The following RPH3A variants were observed in gnomAD, a reference collection of about 807,000 sequenced individuals.
RPH3A encodes rabphilin 3A, also known as rabphilin-3A.
RPH3A carries 48 observed loss-of-function variants against 102.2 expected under a neutral mutation model. The ratio of observed to expected loss-of-function variants is 0.47; its 90% CI spans 0.37 to 0.60. RPH3A has a LOEUF of 0.60. RPH3A is among the 20% of genes least tolerant of loss of function. The probability of loss-of-function intolerance (pLI) is 0.00; values close to 1 mark genes in which losing one functional copy is unlikely to be tolerated. For missense variants in RPH3A, 781 were observed against 910.1 expected (o/e 0.86, Z 1.83); for synonymous variants, 310 against 324.3 (o/e 0.96, Z 0.47).
chr12:112,580,394 CTTTTTTTTTTTTTT>C lies in RPH3A; in HGVS notation c.-140+5087_-140+5100del, dbSNP rs773931202. Among the ~76,000 whole-genome samples, 35 of 76,958 alleles carry C rather than the reference CTTTTTTTTTTTTTT, an allele frequency of 4.5e-4. No individual in the cohort carries two copies. In the Admixed American group the frequency reaches 5.0e-3, roughly 11 times the overall value. 50.5% of individuals were successfully genotyped at this position (76,958 alleles called of 152,430 possible). A position where few individuals can be genotyped will look rare whatever the true frequency, so the allele number is the denominator to read the frequency against. On this transcript the variant is annotated intron_variant, in intron 1 of 21. Coordinates refer to the RPH3A transcript ENST00000543106. ...GACTTAGCAGACACTTTTGTCTTGT[CTTTTTTTTTTTTTT>C]TTTTTTTTTTTCTGAGATGGAGTCT...
intron 1 of RPH3A, among the ~76,000 whole-genome samples, chr12:112,719,823 T>G (rs573473040): frequency 1.3e-5 from 2 of 152,228 alleles, no homozygotes; most frequent in Non-Finnish European, 2.9e-5. Context: ...GTCATACTGA[T>G]AGAAGCCATA....
At chr12:112,841,548 G>A (rs986961771) in intron 4 of RPH3A, among the ~76,000 whole-genome samples, 1 of 152,086 alleles carries the variant, frequency 6.6e-6, no homozygotes, top group African/African-American at 2.4e-5. Context: ...TTCAACAAGA[G>A]AGTAAATGTA....
At chr12:112,681,645 G>A (rs1566256779) in intron 1 of RPH3A, among the ~76,000 whole-genome samples, 2 of 152,148 alleles carry the variant, frequency 1.3e-5, no homozygotes, top group African/African-American at 4.8e-5. Context: ...TCATTTTAGT[G>A]AATAATGACT....
chr12:112,853,094 C>A (rs1355509959), intron 5 of RPH3A, among the ~76,000 whole-genome samples: 2 of 152,192 alleles, frequency 1.3e-5, no homozygotes, highest in African/African-American at 2.4e-5. Flanking sequence ...CATCTTGATT[C>A]CACCTTCCCC....
chr12:112,632,132 G>GCT (rs1441401194), intron 1 of RPH3A, among the ~76,000 whole-genome samples: 1 of 152,086 alleles, frequency 6.6e-6, no homozygotes, highest in Non-Finnish European at 1.5e-5. Context: ...CCCTGCACAA[G>GCT]CTCTCTCTCT....
intron 5 of RPH3A, among the ~76,000 whole-genome samples, chr12:112,865,195 T>G (rs1236373460): frequency 6.6e-6 from 1 of 152,088 alleles, no homozygotes. Flanking sequence ...GTAGAATAGA[T>G]GGGACTTTGA....
intron 1 of RPH3A, among the ~76,000 whole-genome samples, chr12:112,607,117 T>G (rs1566226374): frequency 2.0e-5 from 3 of 152,220 alleles, no homozygotes; most frequent in Admixed American, 6.5e-5. Context: ...TACTTATAGA[T>G]GCCACTTCCC....
At chr12:112,736,704 G>A (rs1333765154) in intron 1 of RPH3A, among the ~76,000 whole-genome samples, 2 of 152,186 alleles carry the variant, frequency 1.3e-5, no homozygotes, top group East Asian at 3.8e-4. Flanking sequence ...ATATATGTCA[G>A]CTACTGTTGT....
At chr12:112,830,221 T>G (rs535790561) in intron 3 of RPH3A, among the ~76,000 whole-genome samples, 6 of 152,274 alleles carry the variant, frequency 3.9e-5, no homozygotes, top group African/African-American at 1.4e-4. Context: ...CTTCAACATA[T>G]AGTATTTTCA....
Position 112,847,680 on chromosome 12 carries a change from C to G in RPH3A, c.84-16C>G. The G allele has an allele frequency of 6.2e-7, 1 of 1,612,610 alleles. No homozygotes were observed. Among genetic ancestry groups the G allele is most frequent in the Non-Finnish European group, 8.5e-7 (1 of 1,179,360 alleles). On this transcript the variant is annotated splice_polypyrimidine_tract_variant and intron_variant, in intron 4 of 21. Transcript: ENST00000389385. ...ATTTTCTGCCCACCCTCACACCTTCCCAAATTTCCTTTCAGGCTCCAGGCA... is the reference window on the plus strand; with the variant it reads ...ATTTTCTGCCCACCCTCACACCTTCGCAAATTTCCTTTCAGGCTCCAGGCA...
intron 1 of RPH3A, among the ~76,000 whole-genome samples, chr12:112,712,996 TTCCTCTTCCTCTTCCTCTTCCTCTTCC>T (rs2040482145): frequency 2.6e-5 from 2 of 77,636 alleles, no homozygotes; most frequent in Non-Finnish European, 4.9e-5. Context: ...CGTCTTTGTC[TTCCTCTTCCTCTTCCTCTTCCTCTTCC>T]TCTTCTTCTT....
intron 10 of RPH3A, among the ~76,000 whole-genome samples, chr12:112,873,290 G>T (rs959296669): frequency 6.6e-6 from 1 of 152,246 alleles, no homozygotes; most frequent in Non-Finnish European, 1.5e-5. Context: ...GCAGCAAAGA[G>T]AGGCTAAAAC....
At chr12:112,811,758 A>T (rs1672173454) in intron 2 of RPH3A, among the ~76,000 whole-genome samples, 2 of 152,214 alleles carry the variant, frequency 1.3e-5, no homozygotes, top group South Asian at 4.1e-4. Flanking sequence ...ACAAATAATG[A>T]GTATTGGCTA....
intron 1 of RPH3A, among the ~76,000 whole-genome samples, chr12:112,759,245 T>A (rs2040839480): frequency 6.6e-6 from 1 of 152,196 alleles, no homozygotes; most frequent in Admixed American, 6.5e-5. Context: ...TGTGTGTGTA[T>A]CCTTTTGGAG....
chr12:112,708,291 T>C (rs909867953), intron 1 of RPH3A, among the ~76,000 whole-genome samples: 63 of 152,236 alleles, frequency 4.1e-4, no homozygotes, highest in African/African-American at 1.4e-3. Context: ...CCTGTGGAGA[T>C]GGTGTTAACA....
At chr12:112,765,662 A>T (rs938281538) in intron 1 of RPH3A, among the ~76,000 whole-genome samples, 21 of 152,202 alleles carry the variant, frequency 1.4e-4, no homozygotes, top group African/African-American at 4.8e-4. Flanking sequence ...AAAATGTTCA[A>T]TGTACTGCTT....
At chr12:112,773,645 A>G (rs1407479586) in intron 1 of RPH3A, among the ~76,000 whole-genome samples, 1 of 147,260 alleles carries the variant, frequency 6.8e-6, no homozygotes, top group Non-Finnish European at 1.5e-5. Context: ...GCAACATTCC[A>G]TTTTTGCACT....
chr12:112,817,739 G>A (rs770465056), intron 2 of RPH3A, among the ~76,000 whole-genome samples: 30 of 152,086 alleles, frequency 2.0e-4, no homozygotes, highest in African/African-American at 4.8e-4. Flanking sequence ...TTTAATTGTC[G>A]TTGTAAGGTC....
chr12:112,659,953 CTT>C (rs1211150367), intron 1 of RPH3A, among the ~76,000 whole-genome samples: 1 of 152,142 alleles, frequency 6.6e-6, no homozygotes, highest in African/African-American at 2.4e-5. Context: ...AGCCCTGTCT[CTT>C]TTTAGTGGTG....
Sources: gnomAD v4.1 joint callset for allele counts (sites outside exome capture counted in the v4.1 genomes callset) on GRCh38, gnomAD v4.1.1 for gene constraint, MANE v1.5 for transcripts, NCBI Gene and HGNC (gene_info 2026-07-23, HGNC 2026-07-21) for gene names.